ZP3: variants seen among roughly 807,000 people sequenced by gnomAD.
ZP3 encodes zona pellucida glycoprotein 3, also known as zona pellucida sperm-binding protein 3.
In ZP3, 21 loss-of-function variants were observed where a neutral mutation model predicts 35.6. The observed-to-expected ratio is 0.59, with a 90% CI of 0.42 to 0.85. The LOEUF (loss-of-function observed/expected upper bound fraction) is 0.85, where lower values mean the gene tolerates loss of function less well. ZP3 is among the 40% of genes least tolerant of loss of function. ZP3 has a pLI of 0.00. For synonymous variants in ZP3, 207 were observed against 214.5 expected (o/e 0.96, Z 0.31); for missense variants, 437 against 536.5 (o/e 0.81, Z 1.83).
intron 1 of ZP3, among the ~76,000 whole-genome samples, chr7:76,427,897 C>A (rs534044379): frequency 6.6e-6 from 1 of 152,044 alleles, no homozygotes. Flanking sequence ...CCAGGCTGGT[C>A]GTGACTTCCT....
intron 1 of ZP3, among the ~76,000 whole-genome samples, chr7:76,428,307 C>A (rs1290804512): frequency 6.6e-6 from 1 of 151,950 alleles, no homozygotes; most frequent in Non-Finnish European, 1.5e-5. Context: ...GGTGACAGAG[C>A]AAGACTGCAT....
rs144685336 is a variant in ZP3 at position 76,400,363 on chromosome 7, G to T, written c.-67+2566G>T. On this transcript the variant is annotated intron_variant, in intron 1 of 8. Coordinates refer to the ZP3 transcript ENST00000336517. ...GCCGCGGCTGCCGCACTCGCTCAGC[G>T]CAGCTTCCTGCCCGCGGCACTCCAC... 1 of 1,582,480 alleles carries T rather than the reference G, an allele frequency of 6.3e-7. No individual in the cohort carries two copies. The highest frequency in any genetic ancestry group is 8.6e-7 in the Non-Finnish European group (1 of 1,160,846).
chr7:76,438,252 T>C (rs1431913371), intron 5 of ZP3, among the ~76,000 whole-genome samples: 2 of 151,964 alleles, frequency 1.3e-5, no homozygotes, highest in Non-Finnish European at 2.9e-5. Flanking sequence ...CAGGATGGAA[T>C]GTCAGTCTAA....
intron 2 of ZP3, among the ~76,000 whole-genome samples, chr7:76,430,534 G>C (rs1163681551): frequency 6.6e-6 from 1 of 152,100 alleles, no homozygotes; most frequent in African/African-American, 2.4e-5. Context: ...AGGAGTTCAG[G>C]ACCAGCCTGG....
rs563928283 is a variant in ZP3 at position 76,405,112 on chromosome 7, A to AT, written c.-67+7325dup. Among the ~76,000 whole-genome samples the AT allele has an allele frequency of 8.7e-3, 1,241 of 143,330 alleles. 25 individuals are homozygous for AT. The highest frequency in any genetic ancestry group is 0.03 in the African/African-American group (1,167 of 39,404). 94.0% of individuals were successfully genotyped at this position (143,330 alleles called of 152,430 possible). A position where few individuals can be genotyped will look rare whatever the true frequency, so the allele number is the denominator to read the frequency against. On this transcript the variant is annotated intron_variant, in intron 1 of 8. Coordinates refer to the ZP3 transcript ENST00000336517. ...ATTTTAAAAATACAAAAATTAGTAG[A>AT]TTTTTTTTTTCAGACAGAGTCTCAC...
chr7:76,433,376 A>C (rs920316111), intron 3 of ZP3, 94 bp from the exon 4 acceptor site: 1 of 1,403,346 alleles, frequency 7.1e-7, no homozygotes, highest in Admixed American at 2.2e-5. Context: ...GCTGGTCTCG[A>C]ACTCCTGACC....
At chr7:76,430,897 G>A (rs1805807197) in intron 2 of ZP3, among the ~76,000 whole-genome samples, 1 of 152,162 alleles carries the variant, frequency 6.6e-6, no homozygotes, top group Non-Finnish European at 1.5e-5. Flanking sequence ...GAGCCATGTG[G>A]CCACACACCC....
At chr7:76,429,855 C>T (rs1805777781) in intron 2 of ZP3, among the ~76,000 whole-genome samples, 1 of 152,156 alleles carries the variant, frequency 6.6e-6, no homozygotes, top group Non-Finnish European at 1.5e-5. Flanking sequence ...TTAGCGGAAG[C>T]TTCAGAGCTG....
At chr7:76,440,742 C>T in intron 7 of ZP3, 131 bp downstream of exon 7, 1 of 1,422,780 alleles carries the variant, frequency 7.0e-7, no homozygotes, top group Non-Finnish European at 9.3e-7. Context: ...CTGCAGCTAC[C>T]TTTCCCTAAC....
chr7:76,416,564 T>C (rs1208525889), intron 1 of ZP3, among the ~76,000 whole-genome samples: 2 of 151,798 alleles, frequency 1.3e-5, no homozygotes, highest in Non-Finnish European at 2.9e-5. Context: ...CCTAGCACTT[T>C]GGGAGGCTGA....
intron 1 of ZP3, chr7:76,398,898 G>A (rs531619682): frequency 2.2e-5 from 27 of 1,207,168 alleles, no homozygotes; most frequent in African/African-American, 2.0e-4. Flanking sequence ...GGTGCTTGCC[G>A]CCAGAGCCTC....
At chr7:76,437,734 G>A (rs1415580895) in intron 5 of ZP3, among the ~76,000 whole-genome samples, 2 of 149,878 alleles carry the variant, frequency 1.3e-5, no homozygotes, top group Non-Finnish European at 3.0e-5. Context: ...CCTGACCTCA[G>A]GTGATCCACT....
chr7:76,432,196 C>CTT (rs71085413), intron 2 of ZP3, among the ~76,000 whole-genome samples: 20 of 144,152 alleles, frequency 1.4e-4, no homozygotes, highest in African/African-American at 2.1e-4. Context: ...CTTTTCTTTT[C>CTT]TTTTTTTTTT....
chr7:76,435,791 C>T (rs563521484), intron 5 of ZP3, among the ~76,000 whole-genome samples: 4 of 150,052 alleles, frequency 2.7e-5, no homozygotes, highest in African/African-American at 7.4e-5. Context: ...TGCAATGGTG[C>T]GGTCTTGGCT....
chr7:76,429,645 A>G lies in ZP3; in HGVS notation c.431+12A>G, dbSNP rs1478487602. 1 of 1,609,820 alleles carries G rather than the reference A, an allele frequency of 6.2e-7. No homozygotes were observed. Among genetic ancestry groups the G allele is most frequent in the East Asian group, 2.2e-5 (1 of 44,808 alleles). On this transcript the variant is annotated intron_variant, in intron 2 of 7. Coordinates refer to ENST00000394857, the MANE Select transcript of ZP3 (RefSeq NM_001110354.2). ...TGCCGCTACCCCAGGTCGGTGTGGG[A>G]CTGACTCATGGCCCCTGGTGCAAAA...
chr7:76,398,638 C>A (rs1325680907), intron 1 of ZP3: 6 of 1,431,560 alleles, frequency 4.2e-6, no homozygotes, highest in Non-Finnish European at 4.9e-6. Flanking sequence ...AATTTGTAAT[C>A]CCTGTCTTCC....
At chr7:76,424,355 G>A (rs1057397406), upstream of ZP3, among the ~76,000 whole-genome samples, 1 of 152,200 alleles carries the variant, frequency 6.6e-6, no homozygotes, top group Admixed American at 6.6e-5. Flanking sequence ...TGGGGCGGGC[G>A]CGGTGGCTCA....
intron 5 of ZP3, among the ~76,000 whole-genome samples, chr7:76,434,565 G>A (rs1280577993): frequency 1.5e-5 from 2 of 135,640 alleles, no homozygotes; most frequent in African/African-American, 5.2e-5. Flanking sequence ...TTGAACCTGG[G>A]AGGCAGAGGT....
intron 1 of ZP3, among the ~76,000 whole-genome samples, chr7:76,426,902 ACACAC>A (rs1563697899): frequency 5.3e-4 from 76 of 143,760 alleles, no homozygotes; most frequent in Non-Finnish European, 7.4e-4. Context: ...ACACACACAC[ACACAC>A]AATAGGGTGT....
Sources: allele counts gnomAD v4.1 joint callset (sites outside exome capture counted in the v4.1 genomes callset), GRCh38; gene constraint gnomAD v4.1.1; transcripts MANE v1.5; gene names NCBI Gene and HGNC (gene_info 2026-07-23, HGNC 2026-07-21).